MCF2L2: variants seen among roughly 807,000 people sequenced by gnomAD.
The protein encoded by MCF2L2 is probable guanine nucleotide exchange factor MCF2L2.
MCF2L2 carries 102 observed loss-of-function variants against 150.2 expected under a neutral mutation model. The observed-to-expected ratio is 0.68, with a 90% confidence interval of 0.58 to 0.80. MCF2L2 has a LOEUF of 0.80. Among genes scored for constraint, MCF2L2 ranks in the 30% least tolerant of loss-of-function variants. MCF2L2 has a pLI of 0.00. For synonymous variants in MCF2L2, 465 were observed against 491.3 expected, an observed-to-expected ratio of 0.95 and a Z score of 0.71; for missense variants, 1,256 against 1,372.8, an observed-to-expected ratio of 0.91 and a Z score of 1.34.
rs74989072 is a variant in MCF2L2 at position 183,417,115 on chromosome 3, C to CAA, written c.76+10785_76+10786dup. 4.8e-3 allele frequency among the ~76,000 whole-genome samples: 211 copies of CAA among 44,220 alleles called. 14 individuals are homozygous for CAA. Among genetic ancestry groups the CAA allele is most frequent in the South Asian group, 6.6e-3 (6 of 906 alleles). The allele number at this position is 44,220 out of a possible 152,430, so 29.0% of individuals were successfully genotyped here. ...CTGGCAACAGAGTGAGACTCTGTCTCAAAAAAAAAAAAAAAAAAAAAAAAA... is the reference window on the plus strand; with the variant it reads ...CTGGCAACAGAGTGAGACTCTGTCTCAAAAAAAAAAAAAAAAAAAAAAAAAAA... On this transcript the variant is annotated intron_variant, in intron 1 of 29. Coordinates refer to ENST00000328913, the MANE Select transcript of MCF2L2 (RefSeq NM_015078.4).
rs1724041267 is a variant in MCF2L2, at chr3:183,241,877, G to A, written c.1863-10860C>T. ...GTTGAATGGCTTTGACCAAAATGCT[G>A]ATAGTGATATGGGCAATAAAGTCCA... On this transcript the variant is annotated intron_variant, in intron 15 of 29. Coordinates refer to ENST00000328913, the MANE Select transcript of MCF2L2 (RefSeq NM_015078.4). Among the ~76,000 whole-genome samples the A allele has an allele frequency of 2.0e-5, 3 of 152,334 alleles. No individual in the cohort carries two copies. The South Asian group carries it at 6.2e-4, about 32-fold the overall frequency.
Position 183,229,649 on chromosome 3 carries a change from C to A in MCF2L2, c.2045+17G>T. 1 of 1,137,170 alleles carries A rather than the reference C, an allele frequency of 8.8e-7. No individual in the cohort carries two copies. The highest frequency in any genetic ancestry group is 2.0e-5 in the Admixed American group (1 of 50,792). 70.4% of individuals were successfully genotyped at this position (1,137,170 alleles called of 1,614,324 possible). ...TCTTACTCTCCATTCTTTCTGATAA[C>A]ATGAATTATTATATACCTGTTGTGA... On this transcript the variant is annotated intron_variant, in intron 17 of 29. Transcript: ENST00000328913.
intron 7 of MCF2L2, among the ~76,000 whole-genome samples, chr3:183,314,712 C>T (rs954114475): frequency 4.0e-5 from 6 of 151,126 alleles, no homozygotes; most frequent in Admixed American, 1.3e-4. Flanking sequence ...TATAAAAGTT[C>T]ACTGTACTGA....
intron 15 of MCF2L2, among the ~76,000 whole-genome samples, chr3:183,266,844 T>C (rs903798284): frequency 6.6e-6 from 1 of 151,750 alleles, no homozygotes; most frequent in African/African-American, 2.4e-5. Flanking sequence ...TGGAGTGCAG[T>C]GGCACGATCT....
At chr3:183,225,769 A>T (rs1401599450) in intron 18 of MCF2L2, 1 of 152,220 alleles carries the variant, frequency 6.6e-6, no homozygotes, top group Non-Finnish European at 1.5e-5. Flanking sequence ...TGCCCAATGG[A>T]TAGAGTACTC....
chr3:183,338,396 G>A (rs1339471535), intron 5 of MCF2L2, among the ~76,000 whole-genome samples: 2 of 147,436 alleles, frequency 1.4e-5, no homozygotes, highest in Non-Finnish European at 3.0e-5. Flanking sequence ...GTGGTGAGCC[G>A]AGATTGTGCC....
At chr3:183,196,689 G>T (rs144354742) in intron 25 of MCF2L2, among the ~76,000 whole-genome samples, 59 of 152,288 alleles carry the variant, frequency 3.9e-4, no homozygotes, top group African/African-American at 1.4e-3. Flanking sequence ...AGGCTCAGGA[G>T]ACTCAGTTCT....
rs187106154 is a variant in MCF2L2 at position 183,210,412 on chromosome 3, G to A, written c.2497-2589C>T. 8.5e-5 allele frequency among the ~76,000 whole-genome samples: 13 copies of A among 152,286 alleles called. No homozygotes were observed. In the East Asian group the frequency reaches 2.1e-3, roughly 25 times the overall value. On this transcript the variant is annotated intron_variant, in intron 22 of 29. Coordinates refer to ENST00000328913, the MANE Select transcript of MCF2L2 (RefSeq NM_015078.4). Reference sequence around the variant, plus strand: ...CAGAGGGAAACATGGTGAGTGGTACGATTTATTATGTCTGAAGACATACAC... The same window carrying A: ...CAGAGGGAAACATGGTGAGTGGTACAATTTATTATGTCTGAAGACATACAC...
chr3:183,375,490 T>C (rs901982737), intron 3 of MCF2L2: 2 of 152,220 alleles, frequency 1.3e-5, no homozygotes, highest in African/African-American at 4.8e-5. Context: ...ACAAAAGATA[T>C]TGATAACAGA....
intron 3 of MCF2L2, among the ~76,000 whole-genome samples, chr3:183,345,634 G>A (rs775104641): frequency 6.6e-6 from 1 of 152,088 alleles, no homozygotes; most frequent in Non-Finnish European, 1.5e-5. Context: ...TCCAGGAGCT[G>A]GTTTTGTGAA....
intron 1 of MCF2L2, among the ~76,000 whole-genome samples, chr3:183,399,431 AAAAAAT>A (rs1714626379): frequency 6.6e-6 from 1 of 152,230 alleles, no homozygotes; most frequent in South Asian, 2.1e-4. Flanking sequence ...TTTTCAAGGC[AAAAAAT>A]AAAAATAAAA....
At position 183,276,985 on chromosome 3, in the gene MCF2L2, T is replaced by C. The variant is rs754488031; in HGVS notation, c.1777-28A>G. ...GAAGTGAAAGAAATTTTGGTAAGAT[T>C]TGATATTGTAGGGACCTCCTAATCT... is the stretch of plus-strand genomic sequence containing the variant. On this transcript the variant is annotated intron_variant, in intron 14 of 29. Coordinates refer to ENST00000328913, the MANE Select transcript of MCF2L2 (RefSeq NM_015078.4). 36 of 1,486,786 alleles carry C rather than the reference T, an allele frequency of 2.4e-5. No homozygotes were observed. In the East Asian group the frequency reaches 7.3e-4, roughly 30 times the overall value. 92.1% of individuals were successfully genotyped at this position (1,486,786 alleles called of 1,614,324 possible). A position where few individuals can be genotyped will look rare whatever the true frequency, so the allele number is the denominator to read the frequency against.
chr3:183,215,452 C>G (rs1025930722), intron 22 of MCF2L2, among the ~76,000 whole-genome samples: 5 of 152,154 alleles, frequency 3.3e-5, no homozygotes, highest in African/African-American at 4.8e-5. Flanking sequence ...GCTCAACTCC[C>G]CAGCATTGGC....
chr3:183,324,650 G>A (rs1729950214), intron 5 of MCF2L2, among the ~76,000 whole-genome samples: 2 of 151,914 alleles, frequency 1.3e-5, no homozygotes, highest in Non-Finnish European at 2.9e-5. Flanking sequence ...GGAGGACTCC[G>A]TGGGCCCAGG....
chr3:183,320,637 T>C (rs1415456548), intron 6 of MCF2L2, among the ~76,000 whole-genome samples: 2 of 152,246 alleles, frequency 1.3e-5, no homozygotes, highest in Non-Finnish European at 2.9e-5. Context: ...TGTGGGTGGT[T>C]TGATCTTCTA....
intron 14 of MCF2L2, among the ~76,000 whole-genome samples, chr3:183,281,250 C>T (rs1317824979): frequency 3.3e-5 from 5 of 152,066 alleles, no homozygotes; most frequent in Non-Finnish European, 7.4e-5. Flanking sequence ...CCCACAGCCT[C>T]AGTCCAGGGT....
intron 13 of MCF2L2, among the ~76,000 whole-genome samples, chr3:183,289,981 C>T (rs1161011028): frequency 6.6e-6 from 1 of 152,214 alleles, no homozygotes; most frequent in Non-Finnish European, 1.5e-5. Context: ...CATAATGTTG[C>T]ACTTGATGTT....
chr3:183,340,120 G>C (rs986201057), intron 4 of MCF2L2, among the ~76,000 whole-genome samples: 1 of 152,138 alleles, frequency 6.6e-6, no homozygotes, highest in African/African-American at 2.4e-5. Context: ...TGCGGCAATG[G>C]GAGGACTCTC....
chr3:183,345,682 T>A (rs1577078817), intron 3 of MCF2L2, among the ~76,000 whole-genome samples: 2 of 151,852 alleles, frequency 1.3e-5, no homozygotes, highest in South Asian at 4.2e-4. Context: ...GCCAGACTAA[T>A]GAAGAAGAAA....
Sources: gnomAD v4.1 joint callset for allele counts (sites outside exome capture counted in the v4.1 genomes callset) on GRCh38, gnomAD v4.1.1 for gene constraint, MANE v1.5 for transcripts, NCBI Gene and HGNC (gene_info 2026-07-23, HGNC 2026-07-21) for gene names.